Variants in CSMD1 observed in about 807,000 individuals in gnomAD.
CSMD1 encodes the protein CUB and sushi domain-containing protein 1.
A neutral mutation model predicts 417.5 loss-of-function variants in CSMD1; 213 were observed. The observed-to-expected ratio is 0.51, with a 90% CI of 0.46 to 0.57. The LOEUF is 0.57. CSMD1 is among the 20% of genes least tolerant of loss of function. The pLI is 0.00. For missense variants in CSMD1, 6,923 were observed against 4,529.7 expected (o/e 1.53, Z -15.17); for synonymous variants, 2,862 against 1,736.8 (o/e 1.65, Z -16.11).
intron 62 of CSMD1, 111 bp from the exon 63 acceptor site, chr8:2,957,918 G>A: frequency 1.4e-6 from 1 of 709,524 alleles, no homozygotes; most frequent in Non-Finnish European, 2.5e-6. Context: ...AACTTTTCAG[G>A]TTAATGTCAA....
chr8:4,257,027 G>C (rs1475346856), intron 3 of CSMD1, among the ~76,000 whole-genome samples: 1 of 152,164 alleles, frequency 6.6e-6, no homozygotes, highest in African/African-American at 2.4e-5. Context: ...CTGGGATCAA[G>C]CCATCTAGGA....
At position 4,275,642 on chromosome 8, in the gene CSMD1, T is replaced by C. The variant is rs193166676; in HGVS notation, c.415+144311A>G. ...ACAAAAATTCATGTGCACATCTTCC[T>C]AAAAATGCAAATAATGCAAAAATTG... On this transcript the variant is annotated intron_variant, in intron 3 of 69. Coordinates refer to ENST00000635120, the MANE Select transcript of CSMD1 (RefSeq NM_033225.6). Among the ~76,000 whole-genome samples, 11 of 152,272 alleles carry C rather than the reference T, an allele frequency of 7.2e-5. 1 individual carries two copies. In the East Asian group the frequency reaches 7.7e-4, roughly 11 times the overall value.
intron 5 of CSMD1, among the ~76,000 whole-genome samples, chr8:3,971,454 T>A (rs922149210): frequency 1.3e-5 from 2 of 152,186 alleles, no homozygotes; most frequent in Non-Finnish European, 2.9e-5. Flanking sequence ...GGGATTCGAC[T>A]AATGCAATTG....
chr8:3,788,932 T>C (rs1430894102), intron 5 of CSMD1, among the ~76,000 whole-genome samples: 1 of 152,212 alleles, frequency 6.6e-6, no homozygotes. Context: ...TGGGTACGTA[T>C]TTCCTAGACA....
chr8:2,943,115 CAGA>C (rs1308749272), intron 68 of CSMD1, among the ~76,000 whole-genome samples: 1 of 152,082 alleles, frequency 6.6e-6, no homozygotes, highest in African/African-American at 2.4e-5. Flanking sequence ...CTGAAATTCA[CAGA>C]AGAGTTTAGA....
At chr8:3,820,328 C>T in intron 5 of CSMD1, among the ~76,000 whole-genome samples, 1 of 152,058 alleles carries the variant, frequency 6.6e-6, no homozygotes, top group Non-Finnish European at 1.5e-5. Context: ...AGATGAATTC[C>T]TCTTAGATAT....
intron 1 of CSMD1, among the ~76,000 whole-genome samples, chr8:4,834,163 G>A (rs555743828): frequency 2.0e-5 from 3 of 152,310 alleles, no homozygotes; most frequent in South Asian, 4.1e-4. Context: ...GATAAAACAA[G>A]GATGTGTTAT....
chr8:4,648,443 G>C, intron 1 of CSMD1, among the ~76,000 whole-genome samples: 1 of 151,992 alleles, frequency 6.6e-6, no homozygotes, highest in East Asian at 1.9e-4. Flanking sequence ...ACACCACAAG[G>C]GCATGAAATA....
At chr8:3,973,062 T>A (rs746862986) in intron 5 of CSMD1, among the ~76,000 whole-genome samples, 1 of 152,268 alleles carries the variant, frequency 6.6e-6, no homozygotes, top group Non-Finnish European at 1.5e-5. Flanking sequence ...TGTGCTTTGA[T>A]AACAAATGTT....
chr8:3,999,892 T>C (rs192423594), intron 4 of CSMD1, among the ~76,000 whole-genome samples: 31 of 152,300 alleles, frequency 2.0e-4, no homozygotes, highest in African/African-American at 7.5e-4. Context: ...CCATGTTTTG[T>C]AGGACATCTC....
chr8:4,728,507 T>A (rs1809623313), intron 1 of CSMD1, among the ~76,000 whole-genome samples: 1 of 152,078 alleles, frequency 6.6e-6, no homozygotes, highest in Non-Finnish European at 1.5e-5. Flanking sequence ...CAGCGACTAT[T>A]TACTAGGTGA....
intron 8 of CSMD1, among the ~76,000 whole-genome samples, chr8:3,611,384 T>C (rs567104669): frequency 6.6e-6 from 1 of 152,226 alleles, no homozygotes; most frequent in East Asian, 1.9e-4. Flanking sequence ...ATCTATGTAA[T>C]TGTTTGAGTT....
At chr8:4,418,271 T>A (rs1797056003) in intron 3 of CSMD1, among the ~76,000 whole-genome samples, 1 of 152,162 alleles carries the variant, frequency 6.6e-6, no homozygotes, top group African/African-American at 2.4e-5. Context: ...CTTATGGCCC[T>A]ATTCCATTTT....
chr8:3,210,530 T>C (rs985669669), intron 30 of CSMD1, among the ~76,000 whole-genome samples: 1 of 39,810 alleles, frequency 2.5e-5, no homozygotes, highest in East Asian at 6.8e-4. Flanking sequence ...TATATGTGAA[T>C]ATATATACAT....
rs558772567 is a variant in CSMD1 at position 3,812,781 on chromosome 8, T to G, written c.819-58739A>C. On this transcript the variant is annotated intron_variant, in intron 5 of 69. Coordinates refer to ENST00000635120, the MANE Select transcript of CSMD1 (RefSeq NM_033225.6). The stretch of plus-strand genomic sequence containing the variant: ...TTTTAATTAACCAAGGGTCAATGTA[T>G]AGTAGCTATTGAATTAACTGTCTTT... Among the ~76,000 whole-genome samples the G allele has an allele frequency of 9.2e-5, 14 of 152,336 alleles. No individual in the cohort carries two copies. In the East Asian group the frequency reaches 2.5e-3, roughly 27 times the overall value.
intron 18 of CSMD1, among the ~76,000 whole-genome samples, chr8:3,371,709 C>A: frequency 1.3e-5 from 2 of 152,244 alleles, no homozygotes. Context: ...CACTAACCAT[C>A]CATCTTAAGG....
chr8:4,619,581 C>T (rs1708827046), intron 2 of CSMD1, among the ~76,000 whole-genome samples: 1 of 152,056 alleles, frequency 6.6e-6, no homozygotes, highest in African/African-American at 2.4e-5. Flanking sequence ...ATTTGCTCAC[C>T]AGATACATCC....
chr8:3,068,483 T>C (rs1237146178), intron 49 of CSMD1, among the ~76,000 whole-genome samples: 3 of 152,182 alleles, frequency 2.0e-5, no homozygotes, highest in South Asian at 4.1e-4. Context: ...TAAATACATA[T>C]GCACATGTGT....
Position 3,818,032 on chromosome 8 carries a change from A to G in CSMD1, c.819-63990T>C, listed in dbSNP as rs189324718. ...TTATTTTAAAACCTTCCAACCCCAA[A>G]CCACGACTCTCGTTCTATTCGGCTT... On this transcript the variant is annotated intron_variant, in intron 5 of 69. Transcript: ENST00000635120. Among the ~76,000 whole-genome samples, 368 of 152,168 alleles carry G rather than the reference A, an allele frequency of 2.4e-3. 1 individual carries two copies. Among genetic ancestry groups the G allele is most frequent in the African/African-American group, 8.6e-3 (357 of 41,498 alleles).
Sources: gnomAD v4.1 joint callset for allele counts (sites outside exome capture counted in the v4.1 genomes callset) on GRCh38, gnomAD v4.1.1 for gene constraint, MANE v1.5 for transcripts, NCBI Gene and HGNC (gene_info 2026-07-23, HGNC 2026-07-21) for gene names.